The following BMPR1B variants were observed in gnomAD, a reference collection of about 807,000 sequenced individuals.
BMPR1B encodes the protein bone morphogenetic protein receptor type 1B, also known as bone morphogenetic protein receptor type-1B.
A neutral mutation model predicts 59.1 loss-of-function variants in BMPR1B; 12 were observed. The observed-to-expected ratio is 0.20, with a 90% confidence interval of 0.13 to 0.33. The LOEUF (loss-of-function observed/expected upper bound fraction) is 0.33, where lower values mean the gene tolerates loss of function less well. BMPR1B is among the 10% of genes least tolerant of loss of function. The pLI, the probability that BMPR1B is intolerant of heterozygous loss-of-function variation, is 1.00. For missense variants in BMPR1B, 550 were observed against 610.9 expected (o/e 0.90, Z 1.05); for synonymous variants, 237 against 207.3 (o/e 1.14, Z -1.23).
intron 2 of BMPR1B, among the ~76,000 whole-genome samples, chr4:94,884,887 G>A (rs1016357385): frequency 6.6e-6 from 1 of 152,194 alleles, no homozygotes; most frequent in African/African-American, 2.4e-5. Context: ...CACAGCAGAA[G>A]TAATGGTGTA....
intron 3 of BMPR1B, among the ~76,000 whole-genome samples, chr4:95,100,517 A>C (rs994351266): frequency 6.6e-6 from 1 of 152,134 alleles, no homozygotes; most frequent in Non-Finnish European, 1.5e-5. Flanking sequence ...CAGTGTTACA[A>C]AATTTTACAG....
Position 95,130,000 on chromosome 4 carries a change from T to G in BMPR1B, c.724T>G (p.Phe242Val), listed in dbSNP as rs761226009. The change falls in exon 9 of 13, where the codon TTC (phenylalanine) becomes GTC (valine). Residue 242 changes from phenylalanine to valine, a missense_variant. Physicochemically the swap from Phe to Val is conservative, Grantham distance 50. Transcript: ENST00000515059. ...VFFTTEEASWFRETEIYQTVL... is the reference protein window; with the variant it reads ...VFFTTEEASWVRETEIYQTVL... ...CTTCACCACAGAGGAAGCCAGCTGG[T>G]TCAGAGAGACAGAAATATATCAGAC... 45 of 1,613,890 alleles carry G rather than the reference T, an allele frequency of 2.8e-5. No individual in the cohort carries two copies. Among genetic ancestry groups the G allele is most frequent in the South Asian group, 3.3e-5 (3 of 91,092 alleles).
rs116198224 is a variant in BMPR1B, at chr4:94,845,063, C to G, written c.-182-30768C>G. Among the ~76,000 whole-genome samples the G allele has an allele frequency of 7.6e-3, 1,129 of 147,634 alleles. 16 individuals carry two copies. Among genetic ancestry groups the G allele is most frequent in the African/African-American group, 0.028 (1,081 of 39,198 alleles). On this transcript the variant is annotated intron_variant, in intron 1 of 12. Coordinates refer to ENST00000515059, the MANE Select transcript of BMPR1B (RefSeq NM_001203.3). ...CTGCTGTTATCCAATATGAAGGGAG[C>G]AAAATAGAGTATCAACACTAAAAGA...
intron 2 of BMPR1B, among the ~76,000 whole-genome samples, chr4:94,926,062 C>T (rs932446474): frequency 5.9e-5 from 5 of 85,374 alleles, no homozygotes; most frequent in African/African-American, 1.1e-4. Context: ...TCCCTCCCCC[C>T]CAATCCCTCC....
chr4:95,006,613 C>T (rs1241480575), intron 3 of BMPR1B, among the ~76,000 whole-genome samples: 3 of 148,502 alleles, frequency 2.0e-5, no homozygotes, highest in Non-Finnish European at 4.4e-5. Flanking sequence ...GCGATCTTGG[C>T]TCACTGCAAC....
At chr4:94,842,915 G>T (rs1725150071) in intron 1 of BMPR1B, among the ~76,000 whole-genome samples, 1 of 151,544 alleles carries the variant, frequency 6.6e-6, no homozygotes, top group East Asian at 1.9e-4. Flanking sequence ...CACACTGTGT[G>T]TATGCATGTA....
chr4:94,978,777 C>G (rs1731122327), intron 2 of BMPR1B, among the ~76,000 whole-genome samples: 1 of 152,032 alleles, frequency 6.6e-6, no homozygotes, highest in African/African-American at 2.4e-5. Context: ...TTGGTCTGTT[C>G]TCATGCTGCT....
chr4:95,045,437 A>G (rs1725974158), intron 3 of BMPR1B, among the ~76,000 whole-genome samples: 1 of 152,020 alleles, frequency 6.6e-6, no homozygotes, highest in African/African-American at 2.4e-5. Flanking sequence ...GCTCTTCCTA[A>G]CCTCCCCAGT....
rs149615214 is a variant in BMPR1B, at chr4:94,864,716, A to G, written c.-182-11115A>G. On this transcript the variant is annotated intron_variant, in intron 1 of 12. Coordinates refer to ENST00000515059, the MANE Select transcript of BMPR1B (RefSeq NM_001203.3). ...CTTAAGGTAAAAACTTTTAATACCCAATACAACGTAAATGTTATGTAAATA... is the reference window on the plus strand; with the variant it reads ...CTTAAGGTAAAAACTTTTAATACCCGATACAACGTAAATGTTATGTAAATA... Among the ~76,000 whole-genome samples, 365 of 152,344 alleles carry G rather than the reference A, an allele frequency of 2.4e-3. 1 individual carries two copies. The highest frequency in any genetic ancestry group is 8.3e-3 in the African/African-American group (346 of 41,586).
At chr4:94,971,899 T>A (rs867575250) in intron 2 of BMPR1B, among the ~76,000 whole-genome samples, 21 of 152,036 alleles carry the variant, frequency 1.4e-4, no homozygotes, top group Middle Eastern at 8.4e-3. Flanking sequence ...GTTGTAGAAG[T>A]ATAGTATCTT....
In BMPR1B at chr4:94,923,531, G is replaced by A. The variant is rs373855736; in HGVS notation, c.-113+47631G>A. 2.3e-4 allele frequency among the ~76,000 whole-genome samples: 35 copies of A among 152,226 alleles called. No individual in the cohort carries two copies. In the East Asian group the frequency reaches 5.4e-3, roughly 24 times the overall value. The stretch of plus-strand genomic sequence containing the variant: ...CCATTCTTACTGAATGAATTTGAGA[G>A]CCCTGGTTTAAGTTTTGGCACTTCC... On this transcript the variant is annotated intron_variant, in intron 2 of 12. Coordinates refer to ENST00000515059, the MANE Select transcript of BMPR1B (RefSeq NM_001203.3).
intron 1 of BMPR1B, among the ~76,000 whole-genome samples, chr4:94,869,095 AACACACACACAC>A (rs59407857): frequency 0.15 from 22,156 of 144,586 alleles, 1,760 homozygotes; most frequent in South Asian, 0.18. Context: ...TTTACTATCA[AACACACACACAC>A]ACACACACAC....
intron 1 of BMPR1B, among the ~76,000 whole-genome samples, chr4:94,854,394 A>T (rs1397054615): frequency 2.0e-5 from 3 of 152,192 alleles, no homozygotes; most frequent in Non-Finnish European, 4.4e-5. Flanking sequence ...TGAACAGCAT[A>T]TTTACAAATG....
At chr4:95,112,743 T>C (rs1043552418) in intron 4 of BMPR1B, among the ~76,000 whole-genome samples, 1 of 152,120 alleles carries the variant, frequency 6.6e-6, no homozygotes. Flanking sequence ...TTTTAAAGCT[T>C]GAATTTACTG....
intron 1 of BMPR1B, among the ~76,000 whole-genome samples, chr4:94,771,368 T>C (rs1436411588): frequency 1.3e-5 from 2 of 152,172 alleles, no homozygotes; most frequent in African/African-American, 4.8e-5. Context: ...ATTATACTGG[T>C]TATTGATGAA....
chr4:95,102,820 A>T (rs2149263587), intron 3 of BMPR1B, among the ~76,000 whole-genome samples: 1 of 152,236 alleles, frequency 6.6e-6, no homozygotes, highest in South Asian at 2.1e-4. Context: ...TGGTTGGATT[A>T]CATATTATTT....
intron 3 of BMPR1B, among the ~76,000 whole-genome samples, chr4:95,016,461 C>A (rs1420593934): frequency 6.6e-6 from 1 of 152,152 alleles, no homozygotes; most frequent in African/African-American, 2.4e-5. Context: ...TGATTCAAAT[C>A]TATGTTGCAA....
At chr4:95,096,071 GTA>G (rs1251657364) in intron 3 of BMPR1B, among the ~76,000 whole-genome samples, 2 of 149,690 alleles carry the variant, frequency 1.3e-5, no homozygotes, top group Non-Finnish European at 1.5e-5. Context: ...CAAAAATCAC[GTA>G]TATGAGTATA....
intron 3 of BMPR1B, among the ~76,000 whole-genome samples, chr4:95,031,648 A>G (rs1724864588): frequency 6.6e-6 from 1 of 152,152 alleles, no homozygotes; most frequent in Non-Finnish European, 1.5e-5. Context: ...TTAAGAAGCT[A>G]CTGTGACTGC....
Sources: gnomAD v4.1 joint callset for allele counts (sites outside exome capture counted in the v4.1 genomes callset) on GRCh38, gnomAD v4.1.1 for gene constraint, MANE v1.5 for transcripts, NCBI Gene and HGNC (gene_info 2026-07-23, HGNC 2026-07-21) for gene names.